FCHO2: variants seen among roughly 807,000 people sequenced by gnomAD.
The protein encoded by FCHO2 is FCH and mu domain containing endocytic adaptor 2.
In FCHO2, 43 loss-of-function variants were observed where a neutral mutation model predicts 114.1. That is an observed-to-expected ratio of 0.38 (90% confidence interval 0.30 to 0.49). The LOEUF (loss-of-function observed/expected upper bound fraction) is 0.49. Ranked by LOEUF, FCHO2 falls within the 20% of genes least tolerant of loss-of-function variation. The pLI is 0.97. For missense variants in FCHO2, 807 were observed against 950.4 expected (o/e 0.85, Z 1.98); for synonymous variants, 293 against 315.2 (o/e 0.93, Z 0.75).
intron 5 of FCHO2, 48 bp downstream of exon 5, chr5:72,990,912 A>C (rs967916787): frequency 1.3e-6 from 2 of 1,502,504 alleles, no homozygotes; most frequent in Non-Finnish European, 1.8e-6. Flanking sequence ...GCACCTTGAC[A>C]TACAAAATTG....
At chr5:73,066,224 G>C (rs946807317) in intron 18 of FCHO2, among the ~76,000 whole-genome samples, 1 of 151,886 alleles carries the variant, frequency 6.6e-6, no homozygotes, top group African/African-American at 2.4e-5. Flanking sequence ...CCCCATCCTT[G>C]AGAGCCTTCT....
At chr5:72,960,266 A>G (rs1442534202) in intron 1 of FCHO2, among the ~76,000 whole-genome samples, 3 of 152,108 alleles carry the variant, frequency 2.0e-5, no homozygotes, top group African/African-American at 7.2e-5. Flanking sequence ...AATTGAAACT[A>G]TATGCTAAAT....
chr5:73,082,831 T>TGTGTG lies in FCHO2; in HGVS notation c.2245+7_2245+11dup. Reference sequence around the variant, plus strand: ...AGAAAAATCAGAAAATGGAGGTAAGTGTGTGTGTCCTTTTTTATTTATAAA... The same window carrying TGTGTG: ...AGAAAAATCAGAAAATGGAGGTAAGTGTGTGGTGTGTGTCCTTTTTTATTTATAAA... On this transcript the variant is annotated splice_region_variant and intron_variant, in intron 24 of 25. Coordinates refer to ENST00000430046, the MANE Select transcript of FCHO2 (RefSeq NM_138782.3). 1 of 1,584,614 alleles carries TGTGTG rather than the reference T, an allele frequency of 6.3e-7. No homozygotes were observed. The highest frequency in any genetic ancestry group is 1.4e-5 in the African/African-American group (1 of 73,542).
intron 20 of FCHO2, among the ~76,000 whole-genome samples, chr5:73,075,104 T>C (rs1187985382): frequency 6.6e-6 from 1 of 152,170 alleles, no homozygotes; most frequent in Non-Finnish European, 1.5e-5. Flanking sequence ...GAGGATACTT[T>C]AGTAAACAAA....
chr5:72,987,539 T>C (rs999044463), intron 2 of FCHO2, among the ~76,000 whole-genome samples: 5 of 152,032 alleles, frequency 3.3e-5, no homozygotes, highest in African/African-American at 1.2e-4. Context: ...GGTTTCACCA[T>C]GTTAGCCAGG....
intron 5 of FCHO2, among the ~76,000 whole-genome samples, chr5:72,992,950 G>C (rs1056068072): frequency 6.9e-6 from 1 of 145,924 alleles, no homozygotes; most frequent in African/African-American, 2.5e-5. Flanking sequence ...GAGAAGAAGA[G>C]AAAAGAGGGC....
chr5:72,991,364 A>G (rs527437124), intron 5 of FCHO2, among the ~76,000 whole-genome samples: 3 of 152,340 alleles, frequency 2.0e-5, no homozygotes, highest in South Asian at 4.1e-4. Context: ...ACACCCAACC[A>G]AAAAACAATG....
chr5:73,006,656 A>C, intron 6 of FCHO2, 107 bp downstream of exon 6: 1 of 691,970 alleles, frequency 1.4e-6, no homozygotes. Context: ...TAAAATGCAC[A>C]ATCTCAATTT....
intron 1 of FCHO2, among the ~76,000 whole-genome samples, chr5:72,957,285 A>T (rs1028691112): frequency 6.6e-6 from 1 of 152,144 alleles, no homozygotes; most frequent in East Asian, 1.9e-4. Context: ...AGGTTTTTTC[A>T]TATGTTCATA....
intron 6 of FCHO2, among the ~76,000 whole-genome samples, chr5:73,007,267 C>T (rs772327383): frequency 3.9e-5 from 6 of 152,150 alleles, no homozygotes; most frequent in Non-Finnish European, 8.8e-5. Flanking sequence ...TATGGGTTGG[C>T]TGCAGCTGTT....
At chr5:72,972,988 A>G (rs1752652032) in intron 2 of FCHO2, among the ~76,000 whole-genome samples, 3 of 152,186 alleles carry the variant, frequency 2.0e-5, no homozygotes, top group South Asian at 4.1e-4. Flanking sequence ...TGTTCTGTTT[A>G]TATGCTGGAT....
At chr5:73,057,587 C>T (rs1757655099) in intron 16 of FCHO2, among the ~76,000 whole-genome samples, 1 of 152,066 alleles carries the variant, frequency 6.6e-6, no homozygotes, top group East Asian at 1.9e-4. Flanking sequence ...AGCCACCTTT[C>T]TGTACTTAAG....
At chr5:72,993,897 A>G (rs1753940528) in intron 5 of FCHO2, among the ~76,000 whole-genome samples, 1 of 152,258 alleles carries the variant, frequency 6.6e-6, no homozygotes, top group Non-Finnish European at 1.5e-5. Flanking sequence ...AGGATTCCCT[A>G]TTCAATAAAT....
intron 1 of FCHO2, among the ~76,000 whole-genome samples, chr5:72,959,779 CT>C (rs972805765): frequency 6.8e-4 from 98 of 145,062 alleles, no homozygotes; most frequent in African/African-American, 1.3e-3. Context: ...TCTCTTCTTT[CT>C]TTTTTTTTTT....
chr5:73,079,862 C>T (rs1227156495), intron 22 of FCHO2, among the ~76,000 whole-genome samples: 1 of 152,144 alleles, frequency 6.6e-6, no homozygotes, highest in African/African-American at 2.4e-5. Context: ...GGAACCCACC[C>T]TCCCAAGTAT....
At chr5:73,029,476 C>G (rs1186153332) in intron 8 of FCHO2, among the ~76,000 whole-genome samples, 2 of 152,156 alleles carry the variant, frequency 1.3e-5, no homozygotes, top group African/African-American at 4.8e-5. Flanking sequence ...AAACCTATTT[C>G]TTTGATTTAA....
At chr5:72,992,456 G>T (rs529995777) in intron 5 of FCHO2, among the ~76,000 whole-genome samples, 1 of 152,126 alleles carries the variant, frequency 6.6e-6, no homozygotes, top group African/African-American at 2.4e-5. Flanking sequence ...AAAATGGCAC[G>T]TAGAGATTGA....
intron 13 of FCHO2, among the ~76,000 whole-genome samples, chr5:73,053,642 G>A (rs1232728054): frequency 1.3e-5 from 2 of 151,104 alleles, no homozygotes; most frequent in African/African-American, 4.9e-5. Flanking sequence ...GTTGAAGTGA[G>A]CCGAGATTGC....
At chr5:72,964,619 C>T (rs34106965) in intron 1 of FCHO2, among the ~76,000 whole-genome samples, 17,902 of 152,154 alleles carry the variant, frequency 0.12, 1,270 homozygotes, top group Non-Finnish European at 0.17. Flanking sequence ...AACTCCTGAC[C>T]TCAGGTGATC....
Sources: allele counts gnomAD v4.1 joint callset (sites outside exome capture counted in the v4.1 genomes callset), GRCh38; gene constraint gnomAD v4.1.1; transcripts MANE v1.5; gene names NCBI Gene and HGNC (gene_info 2026-07-23, HGNC 2026-07-21).